The following GALNT15 variants were observed in gnomAD, a reference collection of about 807,000 sequenced individuals.
The protein encoded by GALNT15 is polypeptide N-acetylgalactosaminyltransferase 15.
In GALNT15, 67 loss-of-function variants were observed where a neutral mutation model predicts 66.8. The ratio of observed to expected loss-of-function variants is 1.00; its 90% CI spans 0.82 to 1.23. The LOEUF (loss-of-function observed/expected upper bound fraction) is 1.23. Ranked by LOEUF, GALNT15 falls within the 50% of genes most tolerant of loss-of-function variation. The pLI is 0.00. For synonymous variants in GALNT15, 313 were observed against 311.5 expected, an observed-to-expected ratio of 1.00 and a Z score of -0.05; for missense variants, 827 against 804.3, an observed-to-expected ratio of 1.03 and a Z score of -0.34.
At chr3:16,240,222 T>C in the GALNT15 span, among the ~76,000 whole-genome samples, 1 of 152,240 alleles carries the variant, frequency 6.6e-6, no homozygotes, top group Non-Finnish European at 1.5e-5. Flanking sequence ...AACCAGATTA[T>C]AATGCCCTTT....
chr3:16,188,090 G>A lies in GALNT15; in HGVS notation c.540-7670G>A, dbSNP rs1297807464. ...AGAGGTCTGAGCCTGATGGAAGGTC[G>A]TCGTCCAGGGCATGTGGCACATCTA... On this transcript the variant is annotated intron_variant, in intron 1 of 9. Coordinates refer to ENST00000339732, the MANE Select transcript of GALNT15 (RefSeq NM_054110.5). This position sits in a 1 kb window ranked among gnomAD's most constrained non-coding sequence, Gnocchi z 4.6. 1.3e-5 allele frequency among the ~76,000 whole-genome samples: 2 copies of A among 152,102 alleles called. No homozygotes were observed. Among genetic ancestry groups the A allele is most frequent in the East Asian group, 1.9e-4 (1 of 5,182 alleles).
At position 16,175,600 on chromosome 3, in the gene GALNT15, C is replaced by G. The variant is rs145670083; in HGVS notation, c.449C>G (p.Thr150Ser). 2 of 1,613,532 alleles carry G rather than the reference C, an allele frequency of 1.2e-6. No homozygotes were observed. Among genetic ancestry groups the G allele is most frequent in the South Asian group, 2.2e-5 (2 of 91,062 alleles). ...GAGGTGTCTGAAGAAGAGGAGTTGA[C>G]CCCGTTCAGCCTGGACCCACGTGGC... ...DGEVSEEEEL[T>S]PFSLDPRGLQ... is the part of the protein sequence containing the mutation. The change falls in exon 1 of 10, where the codon ACC (threonine) becomes AGC (serine). Residue 150 changes from threonine (T) to serine (S), a missense_variant. Physicochemically the swap from Thr to Ser is moderately conservative, Grantham distance 58. Transcript: ENST00000339732. The surrounding 1 kb of genome is among the most constrained non-coding windows in gnomAD (Gnocchi z 5.6).
chr3:16,218,258 C>A, intron 6 of GALNT15, among the ~76,000 whole-genome samples: 1 of 152,206 alleles, frequency 6.6e-6, no homozygotes, highest in Non-Finnish European at 1.5e-5. Context: ...TTTACACAGC[C>A]TGGTGGACCC....
At chr3:16,241,315 A>G in the GALNT15 span, among the ~76,000 whole-genome samples, 3 of 152,220 alleles carry the variant, frequency 2.0e-5, no homozygotes, top group African/African-American at 7.2e-5. The surrounding 1 kb of genome is among the most constrained non-coding windows in gnomAD (Gnocchi z 4.6). Flanking sequence ...TTTTGTGCCT[A>G]GAAACAAGCA....
In GALNT15 at chr3:16,184,389, C is replaced by T. The variant is rs2063498755; in HGVS notation, c.539+8699C>T. On this transcript the variant is annotated intron_variant, in intron 1 of 9. Transcript: ENST00000339732. This position sits in a 1 kb window ranked among gnomAD's most constrained non-coding sequence, Gnocchi z 5.0. The stretch of plus-strand genomic sequence containing the variant: ...TGCCTCATTGGTTGGCTCAGCAATG[C>T]TATGAATGTCTTTCCTTCAGTTCCT... Among the ~76,000 whole-genome samples the T allele has an allele frequency of 6.6e-6, 1 of 152,210 alleles. No individual in the cohort carries two copies. The highest frequency in any genetic ancestry group is 6.5e-5 in the Admixed American group (1 of 15,290).
At chr3:16,196,663 A>G (rs1263835433) in intron 2 of GALNT15, among the ~76,000 whole-genome samples, 2 of 152,154 alleles carry the variant, frequency 1.3e-5, no homozygotes, top group African/African-American at 4.8e-5. Flanking sequence ...GTTTCTGGTG[A>G]TGGAGTGGGG....
intron 2 of GALNT15, among the ~76,000 whole-genome samples, chr3:16,196,488 G>C (rs2063639159): frequency 6.6e-6 from 1 of 152,160 alleles, no homozygotes; most frequent in Non-Finnish European, 1.5e-5. Context: ...GAACCTGCCT[G>C]TGTGCTTCCT....
chr3:16,221,631 C>T (rs1574997820), intron 8 of GALNT15, among the ~76,000 whole-genome samples: 2 of 152,308 alleles, frequency 1.3e-5, no homozygotes, highest in Middle Eastern at 6.8e-3. Flanking sequence ...CAGCTTTGAC[C>T]TTCAAAGGGT....
At chr3:16,232,469 A>ATATAC (rs1553689249), downstream of GALNT15, among the ~76,000 whole-genome samples, 1 of 38,742 alleles carries the variant, frequency 2.6e-5, no homozygotes, top group Non-Finnish European at 5.4e-5. Context: ...TAAATAAATA[A>ATATAC]ATATATATAT....
At chr3:16,185,904 A>T (rs1013525669) in intron 1 of GALNT15, among the ~76,000 whole-genome samples, 3 of 152,186 alleles carry the variant, frequency 2.0e-5, no homozygotes, top group Non-Finnish European at 2.9e-5. Context: ...TGTGTCCATG[A>T]TCTAGTGCTG....
At position 16,175,265 on chromosome 3, in the gene GALNT15, C is replaced by T; in HGVS notation, c.114C>T (p.His38=). The T allele has an allele frequency of 6.2e-7, 1 of 1,614,202 alleles. No individual in the cohort carries two copies. The highest frequency in any genetic ancestry group is 2.2e-5 in the East Asian group (1 of 44,868). ...TGGCGATGTTGCACCCTCCCCACCA[C>T]ACCCTGCACCAGACTGTCACAGCCC... The part of the protein sequence containing the change: ...MMVAMLHPPH[H]TLHQTVTAQA... The change falls in exon 1 of 10, where the codon CAC becomes CAT. Residue 38 remains histidine (H), a synonymous_variant. Transcript: ENST00000339732. The surrounding 1 kb of genome is among the most constrained non-coding windows in gnomAD (Gnocchi z 5.6).
chr3:16,247,536 A>AAGC, the GALNT15 span, among the ~76,000 whole-genome samples: 13 of 152,296 alleles, frequency 8.5e-5, no homozygotes, highest in East Asian at 2.5e-3. Flanking sequence ...ACAAATATTA[A>AAGC]AGCAGCAGGC....
At position 16,225,434 on chromosome 3, in the gene GALNT15, C is replaced by T. The variant is rs1305474488; in HGVS notation, c.1774-1920C>T. ...AAAAGAGGCCAGGCTCAATGGCTCA[C>T]GCCTGTAATCCCAGCACTTCGGGAG... is the stretch of plus-strand genomic sequence containing the variant. On this transcript the variant is annotated intron_variant, in intron 9 of 9. Transcript: ENST00000339732. This position sits in a 1 kb window ranked among gnomAD's most constrained non-coding sequence, Gnocchi z 4.4. 2.6e-5 allele frequency among the ~76,000 whole-genome samples: 4 copies of T among 152,382 alleles called. No homozygotes were observed. Among genetic ancestry groups the T allele is most frequent in the East Asian group, 3.9e-4 (2 of 5,194 alleles).
intron 1 of GALNT15, among the ~76,000 whole-genome samples, chr3:16,179,608 A>G (rs1158351964): frequency 3.9e-5 from 6 of 152,180 alleles, no homozygotes; most frequent in African/African-American, 1.4e-4. Context: ...ACATTCAACA[A>G]TGAAGGGAGA....
downstream of GALNT15, among the ~76,000 whole-genome samples, chr3:16,233,689 C>T (rs1400575310): frequency 1.3e-5 from 2 of 152,144 alleles, no homozygotes; most frequent in African/African-American, 2.4e-5. Context: ...TCTATCTGGG[C>T]CTCCATGCCC....
At chr3:16,234,349 A>G (rs2064113427), downstream of GALNT15, among the ~76,000 whole-genome samples, 1 of 152,112 alleles carries the variant, frequency 6.6e-6, no homozygotes, top group Non-Finnish European at 1.5e-5. Context: ...CGCGAAAGCC[A>G]AAGAAGACTG....
chr3:16,202,405 G>C (rs761299249), intron 3 of GALNT15, among the ~76,000 whole-genome samples: 1 of 152,238 alleles, frequency 6.6e-6, no homozygotes, highest in Non-Finnish European at 1.5e-5. Context: ...GGCCGAGGCA[G>C]ACGGATCACC....
chr3:16,197,121 G>T (rs958381800), intron 2 of GALNT15, among the ~76,000 whole-genome samples: 1 of 152,240 alleles, frequency 6.6e-6, no homozygotes, highest in Non-Finnish European at 1.5e-5. Flanking sequence ...CCTCAAGTGG[G>T]GCGGGGTCCG....
downstream of GALNT15, among the ~76,000 whole-genome samples, chr3:16,233,782 A>G (rs2064107077): frequency 6.6e-6 from 1 of 152,204 alleles, no homozygotes; most frequent in Middle Eastern, 3.2e-3. Context: ...CACTGAGCAA[A>G]TAAATTAATA....
Sources: allele counts gnomAD v4.1 joint callset (sites outside exome capture counted in the v4.1 genomes callset), GRCh38; gene constraint gnomAD v4.1.1; non-coding constraint Gnocchi (gnomAD v3.1); transcripts MANE v1.5; gene names NCBI Gene and HGNC (gene_info 2026-07-23, HGNC 2026-07-21).